CDYL2: variants seen among roughly 807,000 people sequenced by gnomAD.
CDYL2 encodes chromodomain Y like 2, also known as chromodomain Y-like protein 2.
CDYL2 carries 23 observed loss-of-function variants against 49.4 expected under a neutral mutation model. The observed-to-expected ratio is 0.47, with a 90% CI of 0.34 to 0.66. The LOEUF (loss-of-function observed/expected upper bound fraction) is 0.66. CDYL2 is among the 30% of genes least tolerant of loss of function. The pLI is 0.01. For missense variants in CDYL2, 678 were observed against 656.4 expected, an observed-to-expected ratio of 1.03 and a Z score of -0.36; for synonymous variants, 360 against 268.8, an observed-to-expected ratio of 1.34 and a Z score of -3.32.
intron 1 of CDYL2, among the ~76,000 whole-genome samples, chr16:80,710,478 T>C (rs1256618598): frequency 1.3e-5 from 2 of 152,192 alleles, no homozygotes; most frequent in Admixed American, 1.3e-4. Flanking sequence ...GTGTTGATTG[T>C]GACACTGACG....
At chr16:80,671,953 A>C (rs1176339326) in intron 2 of CDYL2, among the ~76,000 whole-genome samples, 7 of 152,222 alleles carry the variant, frequency 4.6e-5, no homozygotes, top group Admixed American at 3.3e-4. Context: ...CATAAATCAA[A>C]TATTGCACAG....
At chr16:80,728,745 C>T (rs1422997918) in intron 1 of CDYL2, among the ~76,000 whole-genome samples, 2 of 152,128 alleles carry the variant, frequency 1.3e-5, no homozygotes, top group Non-Finnish European at 2.9e-5. Flanking sequence ...TAACAGCGAG[C>T]GGATCTCTCG....
chr16:80,625,872 G>A (rs550332871), intron 3 of CDYL2, among the ~76,000 whole-genome samples: 3 of 152,102 alleles, frequency 2.0e-5, no homozygotes, highest in African/African-American at 7.2e-5. Context: ...AAAAGGAAGG[G>A]TAAAAATTAG....
chr16:80,741,944 G>A (rs983214831), intron 1 of CDYL2, among the ~76,000 whole-genome samples: 14 of 152,198 alleles, frequency 9.2e-5, no homozygotes, highest in Admixed American at 3.3e-4. Flanking sequence ...AACAGCCTAA[G>A]GAAATAACCA....
intron 1 of CDYL2, among the ~76,000 whole-genome samples, chr16:80,687,144 G>C (rs1910227428): frequency 6.6e-6 from 1 of 152,232 alleles, no homozygotes; most frequent in Non-Finnish European, 1.5e-5. Flanking sequence ...GGAGGAAAGA[G>C]AGTAAGCAAT....
At chr16:80,660,238 A>G (rs537319779) in intron 2 of CDYL2, among the ~76,000 whole-genome samples, 20 of 152,256 alleles carry the variant, frequency 1.3e-4, no homozygotes, top group African/African-American at 4.1e-4. Context: ...AAAAAAATAG[A>G]TTTTTAAAAT....
At position 80,698,324 on chromosome 16, in the gene CDYL2, C is replaced by T. The variant is rs189258235; in HGVS notation, c.25-13195G>A. The stretch of plus-strand genomic sequence containing the variant: ...CAATCAACAGAATGAACAAATAACC[C>T]GCAGAATAGGACAAAATATTTGCAA... On this transcript the variant is annotated intron_variant, in intron 1 of 6. Coordinates refer to ENST00000570137, the MANE Select transcript of CDYL2 (RefSeq NM_152342.4). Among the ~76,000 whole-genome samples the T allele has an allele frequency of 3.6e-3, 546 of 152,108 alleles. 1 individual carries two copies. Among genetic ancestry groups the T allele is most frequent in the Middle Eastern group, 0.01 (3 of 294 alleles).
chr16:80,770,187 A>C (rs1242932386), intron 1 of CDYL2, among the ~76,000 whole-genome samples: 1 of 152,238 alleles, frequency 6.6e-6, no homozygotes, highest in Non-Finnish European at 1.5e-5. Flanking sequence ...TAAGCCATGC[A>C]ACATGAGTTA....
At chr16:80,661,104 C>G (rs987172608) in intron 2 of CDYL2, among the ~76,000 whole-genome samples, 7 of 152,176 alleles carry the variant, frequency 4.6e-5, no homozygotes, top group Admixed American at 4.6e-4. Flanking sequence ...GCACAGGAAC[C>G]ATGTCCAAGT....
intron 1 of CDYL2, among the ~76,000 whole-genome samples, chr16:80,764,241 A>G (rs1170041332): frequency 1.3e-5 from 2 of 152,260 alleles, no homozygotes; most frequent in Non-Finnish European, 2.9e-5. Context: ...TACATTCTTT[A>G]CACAGTAGCC....
At chr16:80,621,594 G>T (rs1334128622) in intron 3 of CDYL2, among the ~76,000 whole-genome samples, 3 of 152,226 alleles carry the variant, frequency 2.0e-5, no homozygotes, top group Non-Finnish European at 2.9e-5. Context: ...GGCCTCCAGT[G>T]AAGAATAAAT....
At chr16:80,746,085 A>T (rs1238627814) in intron 1 of CDYL2, among the ~76,000 whole-genome samples, 3 of 152,182 alleles carry the variant, frequency 2.0e-5, no homozygotes, top group African/African-American at 7.2e-5. Flanking sequence ...AGCAAACCTC[A>T]GAAGACTAGC....
chr16:80,712,091 ATATATATGTGTATATATGTG>A (rs1175910591), intron 1 of CDYL2, among the ~76,000 whole-genome samples: 2 of 148,870 alleles, frequency 1.3e-5, no homozygotes, highest in African/African-American at 4.9e-5. Flanking sequence ...ATGTGTGTGT[ATATATATGTGTATATATGTG>A]TATATATGTG....
At chr16:80,780,947 C>T (rs1226129911) in intron 1 of CDYL2, among the ~76,000 whole-genome samples, 1 of 152,152 alleles carries the variant, frequency 6.6e-6, no homozygotes, top group Non-Finnish European at 1.5e-5. Flanking sequence ...GGCTCAATCT[C>T]AGTAAGAACA....
intron 1 of CDYL2, among the ~76,000 whole-genome samples, chr16:80,703,833 G>A (rs1000007276): frequency 3.3e-5 from 5 of 152,128 alleles, no homozygotes; most frequent in African/African-American, 4.8e-5. Context: ...CCTGAGCTTG[G>A]ATGACAAGCC....
chr16:80,748,398 G>A (rs900130566), intron 1 of CDYL2, among the ~76,000 whole-genome samples: 2 of 148,868 alleles, frequency 1.3e-5, no homozygotes, highest in African/African-American at 2.5e-5. Context: ...TTGGTGGCAG[G>A]CGCCTGTAGT....
chr16:80,758,283 T>C (rs1757405649), intron 1 of CDYL2, among the ~76,000 whole-genome samples: 1 of 152,078 alleles, frequency 6.6e-6, no homozygotes, highest in South Asian at 2.1e-4. Flanking sequence ...TAGTATAAAA[T>C]AAATTCCAGA....
chr16:80,798,905 G>A (rs1233385425), intron 1 of CDYL2, among the ~76,000 whole-genome samples: 1 of 151,946 alleles, frequency 6.6e-6, no homozygotes, highest in African/African-American at 2.4e-5. Flanking sequence ...GATAACAGGG[G>A]ATTAGTTATA....
chr16:80,795,728 A>G lies in CDYL2; in HGVS notation c.24+8422T>C, dbSNP rs558022570. Among the ~76,000 whole-genome samples, 10 of 152,060 alleles carry G rather than the reference A, an allele frequency of 6.6e-5. No homozygotes were observed. In the South Asian group the frequency reaches 2.1e-3, roughly 32 times the overall value. ...CACCACCATGCCTGCCATCCTGAGC[A>G]CTCCAGTGTGACAGAACACCCAGGC... On this transcript the variant is annotated intron_variant, in intron 1 of 6. Transcript: ENST00000570137.
Sources: allele counts gnomAD v4.1 joint callset (sites outside exome capture counted in the v4.1 genomes callset), GRCh38; gene constraint gnomAD v4.1.1; transcripts MANE v1.5; gene names NCBI Gene and HGNC (gene_info 2026-07-23, HGNC 2026-07-21).